Variants in DLGAP2 observed in about 807,000 individuals in gnomAD.
DLGAP2 encodes DLG associated protein 2, also known as disks large-associated protein 2.
DLGAP2 carries 26 observed loss-of-function variants against 100.3 expected under a neutral mutation model. The ratio of observed to expected loss-of-function variants is 0.26; its 90% CI spans 0.19 to 0.36. The LOEUF is 0.36. Among genes scored for constraint, DLGAP2 ranks in the 10% least tolerant of loss-of-function variants. The probability of loss-of-function intolerance (pLI) is 1.00; values close to 1 mark genes in which losing one functional copy is unlikely to be tolerated. For synonymous variants in DLGAP2, 886 were observed against 630.1 expected (o/e 1.41, Z -6.08); for missense variants, 1,858 against 1,453.2 (o/e 1.28, Z -4.53).
chr8:1,204,869 C>A (rs562701252), intron 2 of DLGAP2, among the ~76,000 whole-genome samples: 2 of 152,332 alleles, frequency 1.3e-5, no homozygotes, highest in Admixed American at 6.5e-5. Context: ...TGAACACCGG[C>A]CCTCTCCAGA....
chr8:1,156,586 C>T (rs1796792361), intron 2 of DLGAP2, among the ~76,000 whole-genome samples: 1 of 151,918 alleles, frequency 6.6e-6, no homozygotes, highest in South Asian at 2.1e-4. Flanking sequence ...CTCAGCCCCC[C>T]AGCCCAGCGC....
intron 2 of DLGAP2, among the ~76,000 whole-genome samples, chr8:1,196,652 A>C (rs1264283000): frequency 6.6e-6 from 1 of 152,164 alleles, no homozygotes; most frequent in African/African-American, 2.4e-5. Flanking sequence ...GAAAAGAGTA[A>C]TTTGAAAACC....
At chr8:1,411,946 C>T (rs1352346736) in intron 3 of DLGAP2, among the ~76,000 whole-genome samples, 14 of 152,316 alleles carry the variant, frequency 9.2e-5, no homozygotes, top group Middle Eastern at 3.4e-3. Flanking sequence ...GTATCCTCCA[C>T]GTTCAGACAC....
At chr8:1,134,632 A>C (rs540365802) in intron 2 of DLGAP2, among the ~76,000 whole-genome samples, 14 of 152,338 alleles carry the variant, frequency 9.2e-5, no homozygotes, top group Non-Finnish European at 1.9e-4. Flanking sequence ...GTTCGTTTTC[A>C]CACTGCTATA....
intron 10 of DLGAP2, among the ~76,000 whole-genome samples, chr8:1,670,002 G>A (rs1290427430): frequency 2.6e-5 from 4 of 152,076 alleles, no homozygotes; most frequent in Admixed American, 1.3e-4. Flanking sequence ...CTCCGGCGCC[G>A]GTAAGCAGGA....
chr8:1,083,265 G>C, intron 2 of DLGAP2, among the ~76,000 whole-genome samples: 1 of 152,160 alleles, frequency 6.6e-6, no homozygotes, highest in East Asian at 1.9e-4. Flanking sequence ...TCACAGCCCC[G>C]GTTCCTAGTG....
intron 1 of DLGAP2, among the ~76,000 whole-genome samples, chr8:758,965 TA>T (rs1426331798): frequency 1.3e-5 from 2 of 150,752 alleles, no homozygotes; most frequent in African/African-American, 4.9e-5. Flanking sequence ...CCATTATCAA[TA>T]ACCCCCACAA....
chr8:1,595,926 G>A lies in DLGAP2; in HGVS notation c.1442+30032G>A, dbSNP rs185760785. 3.2e-3 allele frequency among the ~76,000 whole-genome samples: 479 copies of A among 151,604 alleles called. 3 individuals carry two copies. The highest frequency in any genetic ancestry group is 4.1e-3 in the Non-Finnish European group (279 of 67,940). ...TAGGGTACATGTGCACAACGGGCAG[G>A]TTTGTTACATATGTATACATGTGCC... On this transcript the variant is annotated intron_variant, in intron 6 of 14. Transcript: ENST00000637795.
intron 2 of DLGAP2, among the ~76,000 whole-genome samples, chr8:973,475 G>A (rs1303833418): frequency 3.3e-5 from 5 of 152,056 alleles, no homozygotes; most frequent in Non-Finnish European, 7.4e-5. Context: ...ATCCCAGACG[G>A]GGTGGTGGGG....
At chr8:1,558,851 GCACACACA>G (rs1802064452) in intron 5 of DLGAP2, among the ~76,000 whole-genome samples, 1 of 130,606 alleles carries the variant, frequency 7.7e-6, no homozygotes, top group Non-Finnish European at 1.8e-5. Flanking sequence ...CCATATACCT[GCACACACA>G]CATACACATA....
intron 8 of DLGAP2, among the ~76,000 whole-genome samples, chr8:1,641,190 GA>G (rs1797890202): frequency 6.6e-6 from 1 of 152,216 alleles, no homozygotes; most frequent in Admixed American, 6.5e-5. Context: ...AGACATGACA[GA>G]CGAATCACGT....
At position 1,312,961 on chromosome 8, in the gene DLGAP2, A is replaced by G. The variant is rs555476791; in HGVS notation, c.106+54078A>G. On this transcript the variant is annotated intron_variant, in intron 3 of 14. Transcript: ENST00000637795. Reference sequence around the variant, plus strand: ...CGTGCGGTATGGCCTGATCTCAAAGATAGTGTGTCTCATTTAAAAGTAGCA... The same window carrying G: ...CGTGCGGTATGGCCTGATCTCAAAGGTAGTGTGTCTCATTTAAAAGTAGCA... Among the ~76,000 whole-genome samples, 9 of 152,328 alleles carry G rather than the reference A, an allele frequency of 5.9e-5. No individual in the cohort carries two copies. In the South Asian group the frequency reaches 1.9e-3, roughly 32 times the overall value.
At chr8:1,142,601 C>T (rs1024589796) in intron 2 of DLGAP2, among the ~76,000 whole-genome samples, 1 of 152,218 alleles carries the variant, frequency 6.6e-6, no homozygotes, top group Non-Finnish European at 1.5e-5. Context: ...CATGCTTGTT[C>T]TGTAAGCCCT....
chr8:1,480,988 T>C lies in DLGAP2; in HGVS notation c.107-20378T>C, dbSNP rs747226289. 1.5e-3 allele frequency among the ~76,000 whole-genome samples: 234 copies of C among 152,004 alleles called. 2 individuals are homozygous for C. Among genetic ancestry groups the C allele is most frequent in the Non-Finnish European group, 2.6e-3 (178 of 67,992 alleles). On this transcript the variant is annotated intron_variant, in intron 3 of 14. Coordinates refer to ENST00000637795, the MANE Select transcript of DLGAP2 (RefSeq NM_001346810.2). ...GAGATCGAGACCATCCTGGCTAACA[T>C]GGTGAAACCCCATCTCTACTAAAAA...
At chr8:1,417,595 TAGG>T (rs1490838381) in intron 3 of DLGAP2, among the ~76,000 whole-genome samples, 2 of 49,368 alleles carry the variant, frequency 4.1e-5, no homozygotes, top group African/African-American at 1.7e-4. Context: ...GACAGATAAA[TAGG>T]AGGCTCAGAA....
intron 2 of DLGAP2, among the ~76,000 whole-genome samples, chr8:968,413 G>T (rs534547409): frequency 9.9e-5 from 15 of 152,272 alleles, no homozygotes; most frequent in South Asian, 6.2e-4. Flanking sequence ...GTGTGGAGGT[G>T]TTCACAGGAA....
chr8:1,548,680 C>T lies in DLGAP2; in HGVS notation c.227C>T (p.Pro76Leu). 1 of 1,601,802 alleles carries T rather than the reference C, an allele frequency of 6.2e-7. No homozygotes were observed. The highest frequency in any genetic ancestry group is 8.5e-7 in the Non-Finnish European group (1 of 1,175,558). The change falls in exon 5 of 15, where the codon CCC (proline) becomes CTC (leucine). Residue 76 changes from proline (P) to leucine (L), a missense_variant. Pro to Leu is a moderately conservative substitution (Grantham distance 98). Transcript: ENST00000637795. ...TQHFNEERYS[P>L]APRSMKGLSG... ...CACTTCAATGAGGAGCGCTACTCGCCCGCGCCCAGGAGCATGAAGGGCCTT... is the reference window on the plus strand; with the variant it reads ...CACTTCAATGAGGAGCGCTACTCGCTCGCGCCCAGGAGCATGAAGGGCCTT...
intron 3 of DLGAP2, among the ~76,000 whole-genome samples, chr8:1,386,467 T>C (rs918690617): frequency 1.3e-5 from 2 of 152,120 alleles, no homozygotes; most frequent in Non-Finnish European, 2.9e-5. Flanking sequence ...CAGGGACAGC[T>C]GGGAGAACCT....
chr8:817,621 G>C (rs186849298), intron 1 of DLGAP2, among the ~76,000 whole-genome samples: 96 of 152,286 alleles, frequency 6.3e-4, no homozygotes, highest in African/African-American at 2.2e-3. Context: ...TGGGATTCAA[G>C]CGCTGCTGTT....
Sources: allele counts gnomAD v4.1 joint callset (sites outside exome capture counted in the v4.1 genomes callset), GRCh38; gene constraint gnomAD v4.1.1; transcripts MANE v1.5; gene names NCBI Gene and HGNC (gene_info 2026-07-23, HGNC 2026-07-21).